The following PXK variants were observed in gnomAD, a reference collection of about 807,000 sequenced individuals.
PXK encodes PX domain-containing protein kinase-like protein.
A neutral mutation model predicts 84.7 loss-of-function variants in PXK; 35 were observed. The observed-to-expected ratio is 0.41, with a 90% CI of 0.32 to 0.55. PXK has a LOEUF of 0.55. Ranked by LOEUF, PXK falls within the 20% of genes least tolerant of loss-of-function variation. The pLI is 0.21. For synonymous variants in PXK, 253 were observed against 260.8 expected (o/e 0.97, Z 0.29); for missense variants, 634 against 699.7 (o/e 0.91, Z 1.06).
chr3:58,340,676 G>C (rs191511882), intron 1 of PXK, among the ~76,000 whole-genome samples: 10 of 151,892 alleles, frequency 6.6e-5, no homozygotes, highest in African/African-American at 2.4e-4. Flanking sequence ...AGTGAGCCAA[G>C]ATGGCACCAT....
Position 58,424,908 on chromosome 3 carries a change from G to C in PXK, c.1685G>C (p.Gly562Ala), listed in dbSNP as rs376301093. The change falls in exon 18 of 18, where the codon GGA (glycine) becomes GCA (alanine). Residue 562 changes from glycine to alanine, a missense_variant. Coordinates refer to ENST00000356151, the MANE Select transcript of PXK (RefSeq NM_017771.5). ...LLSSIQNFQKGTLRKAKTCDH... is the reference protein window; with the variant it reads ...LLSSIQNFQKATLRKAKTCDH... ...AGCTCCATCCAGAATTTCCAAAAAGGAACTTTGAGGAAAGCCAAAACCTGT... is the reference window on the plus strand; with the variant it reads ...AGCTCCATCCAGAATTTCCAAAAAGCAACTTTGAGGAAAGCCAAAACCTGT... 11 of 1,614,076 alleles carry C rather than the reference G, an allele frequency of 6.8e-6. No homozygotes were observed. Among genetic ancestry groups the C allele is most frequent in the African/African-American group, 1.3e-5 (1 of 74,928 alleles).
intron 1 of PXK, among the ~76,000 whole-genome samples, chr3:58,338,778 C>G (rs967697681): frequency 6.6e-6 from 1 of 151,436 alleles, no homozygotes; most frequent in Non-Finnish European, 1.5e-5. Context: ...CTCTGCCTCC[C>G]GGGTTCAAGC....
At position 58,383,347 on chromosome 3, in the gene PXK, A is replaced by G. The variant is rs2098523028; in HGVS notation, c.388+647A>G. Reference sequence around the variant, plus strand: ...CAATAACGCATACAGTAATTTTTATATTACTTTTGACCTCTAATCAACACC... The same window carrying G: ...CAATAACGCATACAGTAATTTTTATGTTACTTTTGACCTCTAATCAACACC... On this transcript the variant is annotated intron_variant, in intron 4 of 17. Coordinates refer to ENST00000356151, the MANE Select transcript of PXK (RefSeq NM_017771.5). This position sits in a 1 kb window ranked among gnomAD's most constrained non-coding sequence, Gnocchi z 4.0. 6.6e-6 allele frequency among the ~76,000 whole-genome samples: 1 copy of G among 152,218 alleles called. No individual in the cohort carries two copies. The highest frequency in any genetic ancestry group is 1.5e-5 in the Non-Finnish European group (1 of 68,044).
At chr3:58,402,516 G>A (rs1308961191) in intron 12 of PXK, among the ~76,000 whole-genome samples, 2 of 150,180 alleles carry the variant, frequency 1.3e-5, no homozygotes, top group African/African-American at 2.5e-5. Flanking sequence ...TGCAAGCTCC[G>A]CCTCCCGGGT....
chr3:58,367,875 G>A (rs149983425), intron 2 of PXK, among the ~76,000 whole-genome samples: 2 of 152,120 alleles, frequency 1.3e-5, no homozygotes, highest in African/African-American at 2.4e-5. Context: ...TATAGAGATG[G>A]GGTTTGGCCA....
rs1232939492 is a variant in PXK at position 58,334,939 on chromosome 3, GTGTGTGTGTGTGTGTGTGTC to G, written c.102+1869_102+1888del. On this transcript the variant is annotated intron_variant, in intron 1 of 17. Coordinates refer to ENST00000356151, the MANE Select transcript of PXK (RefSeq NM_017771.5). ...GTTTTTATTGTAAGGGTGTGTGTGT[GTGTGTGTGTGTGTGTGTGTC>G]TGTGTGTGTGTGTGTGTGTGTGTGT... Among the ~76,000 whole-genome samples, 5 of 131,820 alleles carry G rather than the reference GTGTGTGTGTGTGTGTGTGTC, an allele frequency of 3.8e-5. No individual in the cohort carries two copies. The East Asian group carries it at 7.1e-4, about 19-fold the overall frequency. The allele number at this position is 131,820 out of a possible 152,430, so 86.5% of individuals were successfully genotyped here.
In PXK at chr3:58,399,349, C is replaced by A; in HGVS notation, c.1153C>A (p.Pro385Thr). 2 of 1,614,016 alleles carry A rather than the reference C, an allele frequency of 1.2e-6. No individual in the cohort carries two copies. Among genetic ancestry groups the A allele is most frequent in the Non-Finnish European group, 1.7e-6 (2 of 1,179,884 alleles). The change falls in exon 12 of 18, where the codon CCT becomes ACT. Residue 385 changes from proline to threonine, a missense_variant. Coordinates refer to ENST00000356151, the MANE Select transcript of PXK (RefSeq NM_017771.5). The surrounding 1 kb of genome is among the most constrained non-coding windows in gnomAD (Gnocchi z 4.3). ...LSCEACKNGM[P>T]TISRLLQMPL... is the part of the protein sequence containing the mutation. ...TTGTGAAGCCTGTAAAAATGGCATG[C>A]CTACCATCTCCCGGCTCTTACAGAT...
Position 58,333,658 on chromosome 3 carries a change from G to C in PXK, c.102+568G>C, listed in dbSNP as rs771516507. 4 of 456,630 alleles carry C rather than the reference G, an allele frequency of 8.8e-6. No homozygotes were observed. The highest frequency in any genetic ancestry group is 1.3e-5 in the Non-Finnish European group (3 of 226,930). 28.3% of individuals were successfully genotyped at this position (456,630 alleles called of 1,614,324 possible). On this transcript the variant is annotated intron_variant, in intron 1 of 17. Coordinates refer to ENST00000356151, the MANE Select transcript of PXK (RefSeq NM_017771.5). The surrounding 1 kb of genome is among the most constrained non-coding windows in gnomAD (Gnocchi z 5.4). Reference sequence around the variant, plus strand: ...CTTGGCCCTGGTCCCGGGAAGTGGTGGGGGCGGCAGTCGGGGCGCTGTTAA... The same window carrying C: ...CTTGGCCCTGGTCCCGGGAAGTGGTCGGGGCGGCAGTCGGGGCGCTGTTAA...
intron 1 of PXK, among the ~76,000 whole-genome samples, chr3:58,348,593 A>G (rs1399473389): frequency 2.0e-5 from 3 of 152,180 alleles, no homozygotes; most frequent in Admixed American, 2.0e-4. Flanking sequence ...AAAATATTAT[A>G]ATTTCAACAT....
At chr3:58,377,452 G>C (rs1341296110) in intron 3 of PXK, among the ~76,000 whole-genome samples, 2 of 152,090 alleles carry the variant, frequency 1.3e-5, no homozygotes, top group Admixed American at 6.5e-5. Context: ...CTTTGAAAGT[G>C]ACTTTGCTCA....
In PXK at chr3:58,332,976, C is replaced by A; in HGVS notation, c.-13C>A. The stretch of plus-strand genomic sequence containing the variant: ...CCTCGCGTCCCTAGGCGGCGGCGGC[C>A]GGGCGTCCCGGGATGGCCTTCATGG... On this transcript the variant is annotated 5_prime_UTR_variant, in exon 1 of 18. Transcript: ENST00000356151. The surrounding 1 kb of genome is among the most constrained non-coding windows in gnomAD (Gnocchi z 5.6). The A allele has an allele frequency of 7.4e-7, 1 of 1,353,006 alleles. No individual in the cohort carries two copies. Among genetic ancestry groups the A allele is most frequent in the Non-Finnish European group, 9.6e-7 (1 of 1,039,470 alleles). The allele number at this position is 1,353,006 out of a possible 1,614,324, so 83.8% of individuals were successfully genotyped here.
At chr3:58,404,484 A>AAT (rs1270002235) in intron 13 of PXK, among the ~76,000 whole-genome samples, 1 of 152,156 alleles carries the variant, frequency 6.6e-6, no homozygotes, top group African/African-American at 2.4e-5. Flanking sequence ...GACAACCAAA[A>AAT]GTGTCTCCAG....
chr3:58,422,815 A>C, intron 17 of PXK: 1 of 985,442 alleles, frequency 1.0e-6, no homozygotes, highest in Non-Finnish European at 1.2e-6. Flanking sequence ...CTAGATGGCC[A>C]GTGCTGAGCC....
At chr3:58,358,665 A>G (rs1045793057) in intron 1 of PXK, among the ~76,000 whole-genome samples, 1 of 152,126 alleles carries the variant, frequency 6.6e-6, no homozygotes, top group Non-Finnish European at 1.5e-5. Flanking sequence ...GACATTTAGC[A>G]GCATTCCTGG....
chr3:58,380,223 G>A (rs1170280897), intron 3 of PXK, among the ~76,000 whole-genome samples: 34 of 151,902 alleles, frequency 2.2e-4, no homozygotes, highest in Admixed American at 2.2e-3. Context: ...TGAGGTCATA[G>A]AGAAGATCCT....
rs1255277837 is a variant in PXK at position 58,383,790 on chromosome 3, C to G, written c.388+1090C>G. Among the ~76,000 whole-genome samples the G allele has an allele frequency of 1.3e-5, 2 of 152,194 alleles. No individual in the cohort carries two copies. Among genetic ancestry groups the G allele is most frequent in the Non-Finnish European group, 1.5e-5 (1 of 68,040 alleles). On this transcript the variant is annotated intron_variant, in intron 4 of 17. Transcript: ENST00000356151. The surrounding 1 kb of genome is among the most constrained non-coding windows in gnomAD (Gnocchi z 4.0). ...TGCTTTAGAGACTTTCTAAGTGGAA[C>G]TATGGATATTGTTACTTTGCTTGCT...
At chr3:58,419,865 A>G (rs1019162417) in intron 17 of PXK, among the ~76,000 whole-genome samples, 1 of 152,208 alleles carries the variant, frequency 6.6e-6, no homozygotes, top group Non-Finnish European at 1.5e-5. Flanking sequence ...AGAAGACAAG[A>G]AAAACATTTG....
chr3:58,360,101 T>A (rs971052780), intron 1 of PXK, among the ~76,000 whole-genome samples: 2 of 152,106 alleles, frequency 1.3e-5, no homozygotes, highest in Admixed American at 1.3e-4. Flanking sequence ...GCCATTGTAC[T>A]CTAGCGTGGA....
At chr3:58,337,701 T>G (rs1286446732) in intron 1 of PXK, among the ~76,000 whole-genome samples, 1 of 151,948 alleles carries the variant, frequency 6.6e-6, no homozygotes, top group Non-Finnish European at 1.5e-5. Context: ...AACTCCTGAG[T>G]TCAAGTGATC....
Sources: gnomAD v4.1 joint callset for allele counts (sites outside exome capture counted in the v4.1 genomes callset) on GRCh38, gnomAD v4.1.1 for gene constraint, Gnocchi (gnomAD v3.1) non-coding constraint, MANE v1.5 for transcripts, NCBI Gene and HGNC (gene_info 2026-07-23, HGNC 2026-07-21) for gene names.